The following SNX2 variants were observed in gnomAD, a reference collection of about 807,000 sequenced individuals.
SNX2 encodes sorting nexin-2.
Under a neutral mutation model 69.9 loss-of-function variants are expected in SNX2, and 25 were observed. That is an observed-to-expected ratio of 0.36 (90% CI 0.26 to 0.50). The LOEUF is 0.50. SNX2 is among the 20% of genes least tolerant of loss of function. The pLI, the probability that SNX2 is intolerant of heterozygous loss-of-function variation, is 0.97. For missense variants in SNX2, 551 were observed against 613.3 expected (o/e 0.90, Z 1.07); for synonymous variants, 229 against 200.4 (o/e 1.14, Z -1.20).
At chr5:122,793,695 A>G (rs1753300428) in intron 1 of SNX2, among the ~76,000 whole-genome samples, 1 of 152,094 alleles carries the variant, frequency 6.6e-6, no homozygotes. Flanking sequence ...GGATCACCTG[A>G]GGTCAGGAGT....
chr5:122,787,721 C>T (rs1031808042), intron 1 of SNX2, among the ~76,000 whole-genome samples: 1 of 152,046 alleles, frequency 6.6e-6, no homozygotes, highest in Non-Finnish European at 1.5e-5. Flanking sequence ...CTCTTGGGCT[C>T]TGGACTATGA....
chr5:122,794,792 T>C (rs1174775677), intron 1 of SNX2, among the ~76,000 whole-genome samples: 1 of 152,000 alleles, frequency 6.6e-6, no homozygotes, highest in Admixed American at 6.6e-5. Flanking sequence ...GAGGCTGAAG[T>C]GGGAGGATCA....
chr5:122,780,683 C>T (rs1421991374), intron 1 of SNX2, among the ~76,000 whole-genome samples: 2 of 151,536 alleles, frequency 1.3e-5, no homozygotes, highest in Non-Finnish European at 2.9e-5. Flanking sequence ...GATTCTCCTG[C>T]CTCAGCCTTC....
intron 10 of SNX2, among the ~76,000 whole-genome samples, chr5:122,817,749 TAAAA>T (rs1043076977): frequency 1.3e-5 from 2 of 152,082 alleles, no homozygotes; most frequent in Non-Finnish European, 2.9e-5. Flanking sequence ...TTGATTATAA[TAAAA>T]AAACTTGAGA....
intron 11 of SNX2, among the ~76,000 whole-genome samples, chr5:122,824,749 C>T (rs2150017637): frequency 6.6e-6 from 1 of 152,082 alleles, no homozygotes; most frequent in African/African-American, 2.4e-5. Flanking sequence ...ACATTTTTTC[C>T]ATAATACTAA....
chr5:122,822,573 A>G (rs149535805), intron 11 of SNX2, among the ~76,000 whole-genome samples: 1 of 152,236 alleles, frequency 6.6e-6, no homozygotes, highest in African/African-American at 2.4e-5. Context: ...GTTAGGATCA[A>G]AAAACATCAG....
At chr5:122,821,333 C>T (rs1332666472) in intron 11 of SNX2, among the ~76,000 whole-genome samples, 1 of 152,124 alleles carries the variant, frequency 6.6e-6, no homozygotes, top group African/African-American at 2.4e-5. Flanking sequence ...TTATTCCTTC[C>T]ATCCCCTTCT....
intron 1 of SNX2, among the ~76,000 whole-genome samples, chr5:122,789,097 A>G (rs79086543): frequency 0.03 from 4,583 of 152,194 alleles, 126 homozygotes; most frequent in East Asian, 0.041. Context: ...CAGGCAATCA[A>G]TTTGCTTAGG....
intron 1 of SNX2, among the ~76,000 whole-genome samples, chr5:122,787,297 A>G (rs1236520243): frequency 6.6e-6 from 1 of 152,164 alleles, no homozygotes; most frequent in African/African-American, 2.4e-5. Context: ...AAGCAGGTGG[A>G]TCACTTGAGG....
At chr5:122,777,131 C>G (rs1055425175) in intron 1 of SNX2, among the ~76,000 whole-genome samples, 1 of 152,028 alleles carries the variant, frequency 6.6e-6, no homozygotes, top group African/African-American at 2.4e-5. Context: ...CAGTACTTCA[C>G]TTTTCTTTTA....
At chr5:122,815,485 G>A (rs1753880548) in intron 7 of SNX2, 1 of 152,386 alleles carries the variant, frequency 6.6e-6, no homozygotes, top group South Asian at 2.1e-4. Context: ...ACTTGGTTGA[G>A]TGGAATATAT....
intron 11 of SNX2, among the ~76,000 whole-genome samples, chr5:122,821,542 G>A (rs761340327): frequency 7.3e-5 from 11 of 150,594 alleles, no homozygotes; most frequent in South Asian, 6.3e-4. Flanking sequence ...TGCAGGCTCC[G>A]CCTCCGGGTT....
At chr5:122,816,023 T>TATACATTACAATGACAAA in intron 8 of SNX2, 52 bp downstream of exon 8, 1 of 953,430 alleles carries the variant, frequency 1.0e-6, no homozygotes, top group Non-Finnish European at 1.6e-6. Context: ...TTATTTGTCA[T>TATACATTACAATGACAAA]TGTAATGTAT....
intron 11 of SNX2, among the ~76,000 whole-genome samples, chr5:122,821,443 A>C (rs754003877): frequency 1.3e-5 from 2 of 150,360 alleles, no homozygotes; most frequent in Non-Finnish European, 3.0e-5. Flanking sequence ...CCCTATCAAC[A>C]TAAGTAGATG....
Position 122,799,799 on chromosome 5 carries a change from A to G in SNX2, c.334A>G (p.Arg112Gly). The change falls in exon 3 of 15, where the codon AGA becomes GGA. Residue 112 changes from arginine to glycine, a missense_variant. By Grantham distance (125) the Arg-to-Gly change is moderately radical (BLOSUM62 -2). Around this residue, in one of 2 missense-constraint regions of SNX2, gnomAD observed 191 missense variants for 162.9 expected, o/e 1.17. Coordinates refer to ENST00000379516, the MANE Select transcript of SNX2 (RefSeq NM_003100.4). ...PVTPTTLIAP[R>G]IESKSMSAPV... is the part of the protein sequence containing the mutation. ...CACTCCTACTACACTCATTGCTCCT[A>G]GAATTGAATCAAAGAGTATGTCTGC... 6.2e-7 allele frequency: 1 copy of G among 1,613,586 alleles called. No homozygotes were observed. Among genetic ancestry groups the G allele is most frequent in the Non-Finnish European group, 8.5e-7 (1 of 1,179,606 alleles).
chr5:122,792,898 T>C (rs1045230721), intron 1 of SNX2, among the ~76,000 whole-genome samples: 1 of 152,148 alleles, frequency 6.6e-6, no homozygotes, highest in African/African-American at 2.4e-5. Flanking sequence ...TTACTTATCA[T>C]GGAAATGCAA....
In SNX2 at chr5:122,775,338, C is replaced by T. The variant is rs113439224; in HGVS notation, c.108+127C>T. The T allele has an allele frequency of 1.0e-3, 1,446 of 1,388,076 alleles. 16 individuals carry two copies. In the African/African-American group the frequency reaches 0.019, roughly 18 times the overall value. 86.0% of individuals were successfully genotyped at this position (1,388,076 alleles called of 1,614,324 possible). ...CCGTCTTGGGGTGACACCTGTGACG[C>T]GAGCCCCACCTCCGGTGCCTGTCAG... On this transcript the variant is annotated intron_variant, in intron 1 of 14. Coordinates refer to ENST00000379516, the MANE Select transcript of SNX2 (RefSeq NM_003100.4).
intron 7 of SNX2, among the ~76,000 whole-genome samples, chr5:122,809,216 C>A (rs930621577): frequency 3.3e-5 from 5 of 152,038 alleles, no homozygotes; most frequent in Non-Finnish European, 7.4e-5. Context: ...GAGAGGCTGT[C>A]CATAGGTTAT....
At chr5:122,783,244 C>T (rs964262915) in intron 1 of SNX2, among the ~76,000 whole-genome samples, 1 of 152,134 alleles carries the variant, frequency 6.6e-6, no homozygotes, top group African/African-American at 2.4e-5. Flanking sequence ...CGCGCCTGCC[C>T]AGTGACTTGT....
Sources: gnomAD v4.1 joint callset for allele counts (sites outside exome capture counted in the v4.1 genomes callset) on GRCh38, gnomAD v4.1.1 for gene constraint, gnomAD v4.1.1 regional missense constraint, MANE v1.5 for transcripts, NCBI Gene and HGNC (gene_info 2026-07-23, HGNC 2026-07-21) for gene names.